Variants in PCDH9 observed in about 807,000 individuals in gnomAD.
PCDH9 encodes protocadherin 9.
PCDH9 carries 24 observed loss-of-function variants against 70.6 expected under a neutral mutation model. The observed-to-expected ratio is 0.34, with a 90% CI of 0.25 to 0.48. PCDH9 has a LOEUF of 0.48. Among genes scored for constraint, PCDH9 ranks in the 20% least tolerant of loss-of-function variants. The probability of loss-of-function intolerance (pLI) is 0.99; values close to 1 mark genes in which losing one functional copy is unlikely to be tolerated. For missense variants in PCDH9, 1,281 were observed against 1,503.6 expected (o/e 0.85, Z 2.45); for synonymous variants, 562 against 558.5 (o/e 1.01, Z -0.09).
chr13:66,840,732 G>T (rs1201858693), intron 3 of PCDH9, among the ~76,000 whole-genome samples: 1 of 152,188 alleles, frequency 6.6e-6, no homozygotes, highest in Non-Finnish European at 1.5e-5. Flanking sequence ...GAGTATTTCT[G>T]TTGTACATCT....
intron 4 of PCDH9, among the ~76,000 whole-genome samples, chr13:66,457,878 T>C (rs1210687084): frequency 1.3e-5 from 2 of 151,996 alleles, no homozygotes; most frequent in Non-Finnish European, 2.9e-5. Context: ...TCTAGATACA[T>C]GTTAATCATA....
chr13:66,506,079 A>T (rs1333327780), intron 4 of PCDH9, among the ~76,000 whole-genome samples: 3 of 152,176 alleles, frequency 2.0e-5, no homozygotes, highest in African/African-American at 4.8e-5. Flanking sequence ...AATTGCTAAT[A>T]CTTCCTATGT....
intron 4 of PCDH9, among the ~76,000 whole-genome samples, chr13:66,350,835 C>G (rs1344701640): frequency 6.6e-6 from 1 of 152,172 alleles, no homozygotes; most frequent in Non-Finnish European, 1.5e-5. Flanking sequence ...ATCAGAATCT[C>G]TCACAATTCT....
At chr13:66,456,057 ATAT>A (rs1958311578) in intron 4 of PCDH9, among the ~76,000 whole-genome samples, 1 of 152,176 alleles carries the variant, frequency 6.6e-6, no homozygotes, top group South Asian at 2.1e-4. Context: ...CTATTTGAAA[ATAT>A]TATGTAGTGT....
intron 3 of PCDH9, among the ~76,000 whole-genome samples, chr13:66,681,476 C>T (rs1057153592): frequency 6.6e-6 from 1 of 152,010 alleles, no homozygotes; most frequent in South Asian, 2.1e-4. Flanking sequence ...GGAAATACTC[C>T]AAAATGCTTA....
chr13:66,622,758 A>C (rs2077442672), intron 4 of PCDH9, among the ~76,000 whole-genome samples: 1 of 152,180 alleles, frequency 6.6e-6, no homozygotes, highest in Admixed American at 6.5e-5. Context: ...AGAGAATAAA[A>C]GCAGGCTGCC....
chr13:66,821,536 T>C (rs9599152), intron 3 of PCDH9, among the ~76,000 whole-genome samples: 53,341 of 151,948 alleles, frequency 0.35, 10,052 homozygotes, highest in Non-Finnish European at 0.43. Flanking sequence ...ATAGAAAAAG[T>C]CAGTATTTTA....
chr13:66,770,553 C>T (rs1027000358), intron 3 of PCDH9, among the ~76,000 whole-genome samples: 10 of 152,168 alleles, frequency 6.6e-5, no homozygotes, highest in African/African-American at 2.4e-4. Context: ...TAGGGGCCTC[C>T]TGCCCTCCAA....
intron 4 of PCDH9, among the ~76,000 whole-genome samples, chr13:66,333,242 A>T (rs149924893): frequency 2.0e-5 from 3 of 152,320 alleles, no homozygotes; most frequent in Non-Finnish European, 4.4e-5. Flanking sequence ...GTAGTCTCAG[A>T]ATAGTTGTCA....
intron 2 of PCDH9, among the ~76,000 whole-genome samples, chr13:67,027,978 A>C (rs947038113): frequency 2.0e-5 from 3 of 150,088 alleles, no homozygotes; most frequent in African/African-American, 4.9e-5. Flanking sequence ...GTGGGACTGT[A>C]AACTAGTTCA....
chr13:66,730,897 T>TGTTGTG (rs1555262882), intron 3 of PCDH9, among the ~76,000 whole-genome samples: 19 of 129,098 alleles, frequency 1.5e-4, no homozygotes, highest in Non-Finnish European at 2.7e-4. Flanking sequence ...GTTTGTTTCT[T>TGTTGTG]TTTTTTTGTG....
At chr13:66,902,630 G>A (rs1171237239) in intron 3 of PCDH9, among the ~76,000 whole-genome samples, 35 of 151,384 alleles carry the variant, frequency 2.3e-4, no homozygotes, top group Non-Finnish European at 1.5e-5. Flanking sequence ...ATATGTTACA[G>A]CTGTAAAAAA....
At chr13:66,592,841 C>T (rs2077054679) in intron 4 of PCDH9, among the ~76,000 whole-genome samples, 1 of 151,544 alleles carries the variant, frequency 6.6e-6, no homozygotes, top group African/African-American at 2.4e-5. Context: ...GATTACTTTA[C>T]GTGAAAATGT....
At chr13:66,575,165 T>A (rs1157131236) in intron 4 of PCDH9, among the ~76,000 whole-genome samples, 1 of 152,062 alleles carries the variant, frequency 6.6e-6, no homozygotes, top group Non-Finnish European at 1.5e-5. Context: ...AAGAATGGAA[T>A]TCCATCTCAA....
intron 2 of PCDH9, among the ~76,000 whole-genome samples, chr13:67,137,099 G>A (rs952161950): frequency 2.0e-5 from 3 of 151,934 alleles, no homozygotes; most frequent in Non-Finnish European, 2.9e-5. Flanking sequence ...TTGTGCACAT[G>A]TACCCTAGAA....
At chr13:66,431,719 C>T (rs1390848615) in intron 4 of PCDH9, among the ~76,000 whole-genome samples, 2 of 151,954 alleles carry the variant, frequency 1.3e-5, no homozygotes, top group African/African-American at 4.8e-5. Context: ...AACCAAGACA[C>T]CCACAGACAA....
intron 4 of PCDH9, among the ~76,000 whole-genome samples, chr13:66,620,116 A>G (rs1330611382): frequency 6.6e-6 from 1 of 152,004 alleles, no homozygotes; most frequent in Admixed American, 6.6e-5. Context: ...AATACTCTCA[A>G]TTTTTCCTTT....
At chr13:66,610,682 C>A (rs2077283317) in intron 4 of PCDH9, among the ~76,000 whole-genome samples, 1 of 152,148 alleles carries the variant, frequency 6.6e-6, no homozygotes, top group South Asian at 2.1e-4. Context: ...GTTAGGTATT[C>A]TGTAGCTATT....
rs140134821 is a variant in PCDH9, at chr13:66,967,610, T to TATA, written c.3037-64008_3037-64006dup. Among the ~76,000 whole-genome samples the TATA allele has an allele frequency of 8.2e-3, 1,243 of 152,122 alleles. 23 individuals carry two copies. The highest frequency in any genetic ancestry group is 0.029 in the African/African-American group (1,195 of 41,534). On this transcript the variant is annotated intron_variant, in intron 2 of 4. Coordinates refer to ENST00000377865, the MANE Select transcript of PCDH9 (RefSeq NM_203487.3). ...TCCATAGATAAGTCCAATACAAGACTATAACACTGAATGCAAAATAACAAC... is the reference window on the plus strand; with the variant it reads ...TCCATAGATAAGTCCAATACAAGACTATAATAACACTGAATGCAAAATAACAAC...
Sources: allele counts gnomAD v4.1 joint callset (sites outside exome capture counted in the v4.1 genomes callset), GRCh38; gene constraint gnomAD v4.1.1; transcripts MANE v1.5; gene names NCBI Gene and HGNC (gene_info 2026-07-23, HGNC 2026-07-21).